The following ZNF207 variants were observed in gnomAD, a reference collection of about 807,000 sequenced individuals.
The protein encoded by ZNF207 is BUB3-interacting and GLEBS motif-containing protein ZNF207.
In ZNF207, 24 loss-of-function variants were observed where a neutral mutation model predicts 60.2. The observed-to-expected ratio is 0.40, with a 90% CI of 0.29 to 0.56. The LOEUF is 0.56. Ranked by LOEUF, ZNF207 falls within the 20% of genes least tolerant of loss-of-function variation. ZNF207 has a pLI of 0.49. For synonymous variants in ZNF207, 236 were observed against 194.7 expected (o/e 1.21, Z -1.77); for missense variants, 452 against 636.6 (o/e 0.71, Z 3.12).
At chr17:32,356,454 A>G (rs1035978401) in intron 2 of ZNF207, among the ~76,000 whole-genome samples, 5 of 152,226 alleles carry the variant, frequency 3.3e-5, no homozygotes, top group South Asian at 2.1e-4. Context: ...AATATAAGGA[A>G]TAGCTTTTAA....
At chr17:32,358,686 ATTT>A in intron 3 of ZNF207, 45 bp downstream of exon 3, 9 of 1,038,218 alleles carry the variant, frequency 8.7e-6, no homozygotes, top group East Asian at 3.9e-5. Flanking sequence ...ATTTTTTTTA[ATTT>A]TTTTTTTTTT....
Position 32,377,261 on chromosome 17 carries a change from A to G in ZNF207, c.*7502A>G, listed in dbSNP as rs1316951649. On this transcript the variant is annotated 3_prime_UTR_variant, in exon 12 of 12. Transcript: ENST00000394670. ...TATTTTAATGTAGCTTCTTATTAAA[A>G]TTTTATTCATAAATAGTTTAGCAGT... is the stretch of plus-strand genomic sequence containing the variant. 6.6e-6 allele frequency: 1 copy of G among 152,014 alleles called. No homozygotes were observed. Among genetic ancestry groups the G allele is most frequent in the Non-Finnish European group, 1.5e-5 (1 of 67,878 alleles). The allele number at this position is 152,014 out of a possible 1,614,324, so 9.4% of individuals were successfully genotyped here. A position where few individuals can be genotyped will look rare whatever the true frequency, so the allele number is the denominator to read the frequency against.
In ZNF207 at chr17:32,371,129, T is replaced by G. The variant is rs1259333119; in HGVS notation, c.*1370T>G. ...TCTTGTTGACCTTTTTGGGATCTGT[T>G]TTTCTGATCTTTTGCAGGGTAGTTT... On this transcript the variant is annotated 3_prime_UTR_variant, in exon 12 of 12. Transcript: ENST00000394670. 2 of 152,186 alleles carry G rather than the reference T, an allele frequency of 1.3e-5. No homozygotes were observed. Among genetic ancestry groups the G allele is most frequent in the African/African-American group, 4.8e-5 (2 of 41,440 alleles). The allele number at this position is 152,186 out of a possible 1,614,324, so 9.4% of individuals were successfully genotyped here.
At position 32,350,243 on chromosome 17, in the gene ZNF207, G is replaced by C; in HGVS notation, c.-43G>C. On this transcript the variant is annotated 5_prime_UTR_variant, in exon 1 of 12. Transcript: ENST00000394670. ...AGGGATTTTTGGCCTCGTTTCTCCT[G>C]CTTCTTTTCTCCTCCCTTTTACTTT... 1 of 1,613,708 alleles carries C rather than the reference G, an allele frequency of 6.2e-7. No individual in the cohort carries two copies. Among genetic ancestry groups the C allele is most frequent in the Non-Finnish European group, 8.5e-7 (1 of 1,179,664 alleles).
rs1905202077 is a variant in ZNF207 at position 32,367,199 on chromosome 17, G to T, written c.921+442G>T. On this transcript the variant is annotated intron_variant, in intron 9 of 11. Transcript: ENST00000394670. ...AAGATCCTGCTAAATTAACTCCTTT[G>T]TCCATGATAATTATCCAGCCATTGT... Among the ~76,000 whole-genome samples, 3 of 134,494 alleles carry T rather than the reference G, an allele frequency of 2.2e-5. No individual in the cohort carries two copies. The South Asian group carries it at 6.8e-4, about 31-fold the overall frequency. 88.2% of individuals were successfully genotyped at this position (134,494 alleles called of 152,430 possible). A position where few individuals can be genotyped will look rare whatever the true frequency, so the allele number is the denominator to read the frequency against.
Position 32,360,665 on chromosome 17 carries a change from T to C in ZNF207, c.375T>C (p.Thr125=). 6.2e-7 allele frequency: 1 copy of C among 1,614,104 alleles called. No homozygotes were observed. The highest frequency in any genetic ancestry group is 8.5e-7 in the Non-Finnish European group (1 of 1,180,024). The change falls in exon 4 of 12, where the codon ACT becomes ACC. Residue 125 remains threonine (T), a synonymous_variant. Coordinates refer to ENST00000394670, the MANE Select transcript of ZNF207 (RefSeq NM_001098507.2). The part of the protein sequence containing the change: ...EYDDDDSAAS[T]SFQPQPVQPQ... The stretch of plus-strand genomic sequence containing the variant: ...ATGATGACGACTCTGCAGCCTCAAC[T>C]TCATTTCAGCCACAGCCTGTTCAAC...
chr17:32,364,088 C>G (rs1407767612), intron 7 of ZNF207, among the ~76,000 whole-genome samples: 1 of 150,176 alleles, frequency 6.7e-6, no homozygotes, highest in Non-Finnish European at 1.5e-5. Context: ...GCTGATGTGC[C>G]GTGGCACGAT....
chr17:32,368,989 G>A (rs1013525856), intron 10 of ZNF207: 4 of 235,072 alleles, frequency 1.7e-5, no homozygotes, highest in Admixed American at 1.5e-4. Context: ...TGGACAATGA[G>A]TGAAACCCCG....
intron 1 of ZNF207, chr17:32,351,511 C>T (rs943878202): frequency 5.8e-5 from 87 of 1,502,926 alleles, no homozygotes; most frequent in Non-Finnish European, 7.4e-5. Flanking sequence ...GTTTCACCGA[C>T]ATCTCTGTTA....
chr17:32,363,815 G>A lies in ZNF207; in HGVS notation c.670+831G>A, dbSNP rs1214861995. 2.0e-5 allele frequency among the ~76,000 whole-genome samples: 3 copies of A among 152,102 alleles called. No homozygotes were observed. The South Asian group carries it at 6.2e-4, about 31-fold the overall frequency. ...CGAAGTGCTGGGATTACAGGCGTGA[G>A]CCACTGTGCCCAGCCCCAACAAACT... is the stretch of plus-strand genomic sequence containing the variant. On this transcript the variant is annotated intron_variant, in intron 7 of 11. Coordinates refer to ENST00000394670, the MANE Select transcript of ZNF207 (RefSeq NM_001098507.2).
At chr17:32,367,269 A>ATGTATATATATATG (rs1199032458) in intron 9 of ZNF207, among the ~76,000 whole-genome samples, 1 of 110,330 alleles carries the variant, frequency 9.1e-6, no homozygotes, top group Non-Finnish European at 1.8e-5. Flanking sequence ...ATATATATAT[A>ATGTATATATATATG]TATATATATA....
rs1905881748 is a variant in ZNF207, at chr17:32,381,365, TTAATG to T, written c.*11610_*11614del. On this transcript the variant is annotated 3_prime_UTR_variant, in exon 12 of 12. Transcript: ENST00000394670. ...AAAATCATGACTGATCGCATAATTTTTAATGTAAGTAAATGAGCTCACTAAGGGTA... is the reference window on the plus strand; with the variant it reads ...AAAATCATGACTGATCGCATAATTTTTAAGTAAATGAGCTCACTAAGGGTA... 2 of 152,246 alleles carry T rather than the reference TTAATG, an allele frequency of 1.3e-5. No individual in the cohort carries two copies. 9.4% of individuals were successfully genotyped at this position (152,246 alleles called of 1,614,324 possible).
At chr17:32,366,069 C>T (rs1244348638) in intron 8 of ZNF207, among the ~76,000 whole-genome samples, 1 of 152,146 alleles carries the variant, frequency 6.6e-6, no homozygotes, top group Non-Finnish European at 1.5e-5. Flanking sequence ...TGATGGTTAA[C>T]ACCTTTGCTT....
intron 7 of ZNF207, among the ~76,000 whole-genome samples, chr17:32,363,529 CTTTTT>C (rs746944466): frequency 1.3e-3 from 93 of 69,584 alleles, no homozygotes; most frequent in African/African-American, 3.7e-3. Flanking sequence ...ATCCAACAAA[CTTTTT>C]TTTTTTTTTT....
intron 2 of ZNF207, among the ~76,000 whole-genome samples, chr17:32,357,348 A>ATTTTTTTTT (rs772462101): frequency 1.0e-3 from 78 of 77,652 alleles, no homozygotes; most frequent in African/African-American, 4.7e-3. Context: ...TATTATTATT[A>ATTTTTTTTT]TTATTTTTTT....
At chr17:32,354,640 G>A (rs930161872) in intron 2 of ZNF207, among the ~76,000 whole-genome samples, 2 of 149,504 alleles carry the variant, frequency 1.3e-5, no homozygotes, top group African/African-American at 4.9e-5. Flanking sequence ...TTCTTGAGAC[G>A]GAGTCTCTTT....
At position 32,374,897 on chromosome 17, in the gene ZNF207, A is replaced by G. The variant is rs1309186033; in HGVS notation, c.*5138A>G. ...TTTTACGCACATGTGAAAAGTATCC[A>G]CATTTGTTTCCAACTAAAATTTGCT... is the stretch of plus-strand genomic sequence containing the variant. On this transcript the variant is annotated 3_prime_UTR_variant, in exon 12 of 12. Coordinates refer to ENST00000394670, the MANE Select transcript of ZNF207 (RefSeq NM_001098507.2). 6.6e-6 allele frequency: 1 copy of G among 152,254 alleles called. No homozygotes were observed. Among genetic ancestry groups the G allele is most frequent in the Non-Finnish European group, 1.5e-5 (1 of 68,038 alleles). The allele number at this position is 152,254 out of a possible 1,614,324, so 9.4% of individuals were successfully genotyped here.
intron 10 of ZNF207, chr17:32,369,003 C>CA (rs897955268): frequency 0.024 from 5,344 of 221,870 alleles, no homozygotes; most frequent in South Asian, 0.036. Context: ...AACCCCGTCT[C>CA]AAAAAAAAAA....
At chr17:32,362,876 C>G (rs1472139193) in intron 6 of ZNF207, 38 bp from the exon 7 acceptor site, 1 of 1,580,834 alleles carries the variant, frequency 6.3e-7, no homozygotes, top group Non-Finnish European at 8.7e-7. Flanking sequence ...TTATGCTGTT[C>G]ATTAACTTAC....
Sources: allele counts gnomAD v4.1 joint callset (sites outside exome capture counted in the v4.1 genomes callset), GRCh38; gene constraint gnomAD v4.1.1; transcripts MANE v1.5; gene names NCBI Gene and HGNC (gene_info 2026-07-23, HGNC 2026-07-21).